The following DNAJC3 variants were observed in gnomAD, a reference collection of about 807,000 sequenced individuals.
The protein encoded by DNAJC3 is dnaJ homolog subfamily C member 3.
Under a neutral mutation model 68.6 loss-of-function variants are expected in DNAJC3, and 38 were observed. The ratio of observed to expected loss-of-function variants is 0.55; its 90% CI spans 0.43 to 0.73. The LOEUF (loss-of-function observed/expected upper bound fraction) is 0.73. DNAJC3 is among the 30% of genes least tolerant of loss of function. The pLI, the probability that DNAJC3 is intolerant of heterozygous loss-of-function variation, is 0.00. For missense variants in DNAJC3, 526 were observed against 591.9 expected (o/e 0.89, Z 1.16); for synonymous variants, 203 against 204.0 (o/e 1.00, Z 0.04).
rs1449258925 is a variant in DNAJC3 at position 95,752,077 on chromosome 13, C to G, written c.394-5567C>G. Among the ~76,000 whole-genome samples the G allele has an allele frequency of 2.0e-5, 3 of 152,172 alleles. No individual in the cohort carries two copies. The East Asian group carries it at 5.8e-4, about 29-fold the overall frequency. Reference sequence around the variant, plus strand: ...GACACAGCCAAACCACATCAATTAGCTATATCCTTACATTTTCCTGCTTCA... The same window carrying G: ...GACACAGCCAAACCACATCAATTAGGTATATCCTTACATTTTCCTGCTTCA... On this transcript the variant is annotated intron_variant, in intron 4 of 11. Transcript: ENST00000602402.
At chr13:95,755,429 A>C (rs1425312173) in intron 4 of DNAJC3, among the ~76,000 whole-genome samples, 1 of 151,128 alleles carries the variant, frequency 6.6e-6, no homozygotes, top group Non-Finnish European at 1.5e-5. Context: ...CCAGCCTGGG[A>C]GACAGAGCAA....
intron 9 of DNAJC3, among the ~76,000 whole-genome samples, chr13:95,772,695 A>C (rs1243136465): frequency 6.6e-6 from 1 of 152,188 alleles, no homozygotes; most frequent in Non-Finnish European, 1.5e-5. Flanking sequence ...GCACATGCTT[A>C]CCCACTTAAA....
At chr13:95,722,451 G>GAC (rs1881351958) in intron 2 of DNAJC3, among the ~76,000 whole-genome samples, 1 of 151,958 alleles carries the variant, frequency 6.6e-6, no homozygotes, top group Non-Finnish European at 1.5e-5. Context: ...TCTCCATAGA[G>GAC]ACAAACTGAA....
chr13:95,749,874 T>C (rs1882420004), intron 4 of DNAJC3, among the ~76,000 whole-genome samples: 2 of 152,080 alleles, frequency 1.3e-5, no homozygotes, highest in Non-Finnish European at 2.9e-5. Context: ...AAGATGAAAC[T>C]CTGTCTGTAC....
At chr13:95,752,651 C>CTTATTAT (rs1431382464) in intron 4 of DNAJC3, among the ~76,000 whole-genome samples, 2 of 152,164 alleles carry the variant, frequency 1.3e-5, no homozygotes, top group Admixed American at 1.3e-4. Flanking sequence ...AATTAACTTA[C>CTTATTAT]AGCACTCTCT....
intron 1 of DNAJC3, among the ~76,000 whole-genome samples, chr13:95,699,779 A>T (rs1880537889): frequency 1.3e-5 from 2 of 152,086 alleles, no homozygotes; most frequent in South Asian, 4.2e-4. Flanking sequence ...TAGATTGTTA[A>T]GTCTGTTTGT....
At chr13:95,704,347 A>G (rs574637917) in intron 1 of DNAJC3, among the ~76,000 whole-genome samples, 1 of 152,344 alleles carries the variant, frequency 6.6e-6, no homozygotes, top group Admixed American at 6.5e-5. Context: ...GCAAGATAGC[A>G]TCATATAATG....
chr13:95,715,931 C>T (rs541532342), intron 2 of DNAJC3, among the ~76,000 whole-genome samples: 5 of 151,152 alleles, frequency 3.3e-5, no homozygotes, highest in Admixed American at 6.6e-5. Context: ...CTAAGGTGGG[C>T]GGATCACCTG....
At position 95,696,869 on chromosome 13, in the gene DNAJC3, C is replaced by T. The variant is rs144107592; in HGVS notation, c.83-12358C>T. Among the ~76,000 whole-genome samples the T allele has an allele frequency of 9.8e-3, 1,489 of 152,270 alleles. 6 individuals carry two copies. The highest frequency in any genetic ancestry group is 0.023 in the South Asian group (110 of 4,826). On this transcript the variant is annotated intron_variant, in intron 1 of 11. Coordinates refer to ENST00000602402, the MANE Select transcript of DNAJC3 (RefSeq NM_006260.5). ...CATGCCATTTTCCCGCCTCAGCCTCCTGAGTAGCTGGGACTACAGGCGCCC... is the reference window on the plus strand; with the variant it reads ...CATGCCATTTTCCCGCCTCAGCCTCTTGAGTAGCTGGGACTACAGGCGCCC...
rs1193979630 is a variant in DNAJC3, at chr13:95,704,851, G to GTTTTT, written c.83-4362_83-4358dup. Among the ~76,000 whole-genome samples the GTTTTT allele has an allele frequency of 1.8e-3, 178 of 97,830 alleles. 25 individuals are homozygous for GTTTTT. The highest frequency in any genetic ancestry group is 9.3e-3 in the African/African-American group (156 of 16,732). 64.2% of individuals were successfully genotyped at this position (97,830 alleles called of 152,430 possible). A position where few individuals can be genotyped will look rare whatever the true frequency, so the allele number is the denominator to read the frequency against. ...AGAAAGGACTAATCTGTGTGTGTGT[G>GTTTTT]TTTTTTTTTTTTTTTTTTGAGACAG... On this transcript the variant is annotated intron_variant, in intron 1 of 11. Coordinates refer to ENST00000602402, the MANE Select transcript of DNAJC3 (RefSeq NM_006260.5).
At chr13:95,696,735 GA>G (rs1880450326) in intron 1 of DNAJC3, among the ~76,000 whole-genome samples, 1 of 151,906 alleles carries the variant, frequency 6.6e-6, no homozygotes, top group Admixed American at 6.6e-5. Context: ...GTAGGCTGCA[GA>G]TGGTTGTGTC....
intron 4 of DNAJC3, among the ~76,000 whole-genome samples, chr13:95,741,109 G>A (rs1374210478): frequency 1.3e-5 from 2 of 152,006 alleles, no homozygotes; most frequent in Non-Finnish European, 2.9e-5. Context: ...TTCTTTTGGA[G>A]GTGTCATATT....
At chr13:95,701,003 T>C (rs1173771983) in intron 1 of DNAJC3, among the ~76,000 whole-genome samples, 1 of 152,190 alleles carries the variant, frequency 6.6e-6, no homozygotes, top group Admixed American at 6.5e-5. Context: ...TCATGTGACA[T>C]CTAGGCATTT....
intron 2 of DNAJC3, among the ~76,000 whole-genome samples, chr13:95,719,098 A>C (rs563545496): frequency 6.6e-6 from 1 of 152,378 alleles, no homozygotes; most frequent in Non-Finnish European, 1.5e-5. Context: ...AGCAGCTCAC[A>C]GAACTCAGGG....
intron 9 of DNAJC3, among the ~76,000 whole-genome samples, chr13:95,781,459 G>T (rs1883451574): frequency 6.6e-6 from 1 of 152,116 alleles, no homozygotes; most frequent in Non-Finnish European, 1.5e-5. Context: ...TATTACTAAT[G>T]TGCTCCTGCT....
intron 2 of DNAJC3, among the ~76,000 whole-genome samples, chr13:95,720,204 C>A (rs1408897358): frequency 6.6e-6 from 1 of 152,090 alleles, no homozygotes; most frequent in African/African-American, 2.4e-5. Flanking sequence ...TCAAATAAGT[C>A]ATTTGAGCTG....
At chr13:95,719,617 T>C (rs1024999495) in intron 2 of DNAJC3, among the ~76,000 whole-genome samples, 3 of 152,192 alleles carry the variant, frequency 2.0e-5, no homozygotes, top group African/African-American at 7.2e-5. Context: ...CCACGGGTTG[T>C]AGGAGCTATA....
At chr13:95,709,578 C>G (rs563762799) in intron 2 of DNAJC3, among the ~76,000 whole-genome samples, 18 of 150,176 alleles carry the variant, frequency 1.2e-4, no homozygotes, top group African/African-American at 3.7e-4. Flanking sequence ...AAGGATAACT[C>G]AAGATATTTC....
At chr13:95,776,097 T>C (rs200331154) in intron 9 of DNAJC3, among the ~76,000 whole-genome samples, 2 of 152,174 alleles carry the variant, frequency 1.3e-5, no homozygotes, top group East Asian at 3.9e-4. Flanking sequence ...AGAACTCCTT[T>C]CACTGCCTTT....
Sources: allele counts gnomAD v4.1 joint callset (sites outside exome capture counted in the v4.1 genomes callset), GRCh38; gene constraint gnomAD v4.1.1; transcripts MANE v1.5; gene names NCBI Gene and HGNC (gene_info 2026-07-23, HGNC 2026-07-21).